The following RBFOX2 variants were observed in gnomAD, a reference collection of about 807,000 sequenced individuals.
RBFOX2 encodes RNA binding fox-1 homolog 2.
RBFOX2 carries 10 observed loss-of-function variants against 49.1 expected under a neutral mutation model. The ratio of observed to expected loss-of-function variants is 0.20; its 90% CI spans 0.13 to 0.35. The LOEUF (loss-of-function observed/expected upper bound fraction) is 0.35, where lower values mean the gene tolerates loss of function less well. RBFOX2 is among the 10% of genes least tolerant of loss of function. RBFOX2 has a pLI of 1.00. For synonymous variants in RBFOX2, 183 were observed against 187.4 expected (o/e 0.98, Z 0.19); for missense variants, 323 against 486.9 (o/e 0.66, Z 3.17).
At chr22:35,808,397 T>C (rs1283977113) in intron 2 of RBFOX2, among the ~76,000 whole-genome samples, 1 of 152,176 alleles carries the variant, frequency 6.6e-6, no homozygotes, top group Non-Finnish European at 1.5e-5. Flanking sequence ...TGAAAGAAAA[T>C]TGAAAGCATT....
chr22:36,027,710 G>A (rs1010399946), intron 1 of RBFOX2, among the ~76,000 whole-genome samples: 7 of 152,160 alleles, frequency 4.6e-5, no homozygotes, highest in African/African-American at 1.7e-4. Context: ...CTCACACTCT[G>A]TGTGATTTAA....
rs573632268 is a variant in RBFOX2 at position 35,809,055 on chromosome 22, TAA to T, written c.252+723_252+724del. On this transcript the variant is annotated intron_variant, in intron 2 of 11. Coordinates refer to ENST00000405409, the Ensembl canonical transcript of RBFOX2. ...TTAAGTAGGAAATCGGCATTTGCAT[TAA>T]AAAAAAAAAAAAACCACCTTAGTCC... 2.2e-4 allele frequency among the ~76,000 whole-genome samples: 30 copies of T among 136,310 alleles called. No individual in the cohort carries two copies. The South Asian group carries it at 2.4e-3, about 11-fold the overall frequency. The allele number at this position is 136,310 out of a possible 152,430, so 89.4% of individuals were successfully genotyped here.
At chr22:35,981,453 C>T (rs2057451325) in intron 1 of RBFOX2, among the ~76,000 whole-genome samples, 1 of 152,008 alleles carries the variant, frequency 6.6e-6, no homozygotes. Context: ...ACCAGCCTGG[C>T]CAACATGGTA....
At chr22:35,820,871 C>T (rs1233084616) in intron 1 of RBFOX2, among the ~76,000 whole-genome samples, 4 of 152,144 alleles carry the variant, frequency 2.6e-5, no homozygotes, top group Non-Finnish European at 4.4e-5. Flanking sequence ...ATACCACAAA[C>T]TTTGAAGGGA....
At chr22:35,834,349 T>C (rs1218096072) in intron 1 of RBFOX2, among the ~76,000 whole-genome samples, 1 of 152,214 alleles carries the variant, frequency 6.6e-6, no homozygotes, top group East Asian at 1.9e-4. Flanking sequence ...ATCATAAGCA[T>C]ATATAAAGAT....
chr22:36,009,546 GT>G lies in RBFOX2; in HGVS notation c.186+18693del, dbSNP rs1053243460. Among the ~76,000 whole-genome samples the G allele has an allele frequency of 1.4e-4, 21 of 151,752 alleles. No homozygotes were observed. In the East Asian group the frequency reaches 3.7e-3, roughly 27 times the overall value. On this transcript the variant is annotated intron_variant, in intron 1 of 13. Transcript: ENST00000438146. Reference sequence around the variant, plus strand: ...ACACCACCATGCCCATCTAAGTTTCGTTTTTTTTGTTTTTTGTTTTTTTGTA... The same window carrying G: ...ACACCACCATGCCCATCTAAGTTTCGTTTTTTTGTTTTTTGTTTTTTTGTA...
intron 1 of RBFOX2, among the ~76,000 whole-genome samples, chr22:35,974,217 C>T (rs547764942): frequency 6.6e-6 from 1 of 152,330 alleles, no homozygotes; most frequent in African/African-American, 2.4e-5. Context: ...AAAGAATTGC[C>T]GCCTTTTCCT....
exon 12 of RBFOX2, chr22:35,742,984 T>C (rs531617408): frequency 6.5e-6 from 1 of 152,834 alleles, no homozygotes; most frequent in South Asian, 2.1e-4. Context: ...ATAAAGGCTC[T>C]GGAAGATGAA....
At chr22:35,863,873 T>C (rs985762269) in intron 1 of RBFOX2, among the ~76,000 whole-genome samples, 1 of 152,154 alleles carries the variant, frequency 6.6e-6, no homozygotes, top group African/African-American at 2.4e-5. Context: ...CCAAAGCGGA[T>C]TAGAAATCGA....
At chr22:35,798,018 C>T (rs1012962467) in intron 2 of RBFOX2, among the ~76,000 whole-genome samples, 2 of 152,172 alleles carry the variant, frequency 1.3e-5, no homozygotes, top group African/African-American at 4.8e-5. Context: ...TCTTGTTGCC[C>T]AGGCTGGAGT....
At chr22:35,747,093 G>GT (rs1228609753) in intron 9 of RBFOX2, 1 of 152,182 alleles carries the variant, frequency 6.6e-6, no homozygotes, top group African/African-American at 2.4e-5. Flanking sequence ...AGATAATCAG[G>GT]TAATATTTAG....
At chr22:35,989,460 T>C (rs964898951) in intron 1 of RBFOX2, among the ~76,000 whole-genome samples, 1 of 151,966 alleles carries the variant, frequency 6.6e-6, no homozygotes, top group Non-Finnish European at 1.5e-5. Flanking sequence ...AGGGGGTTAA[T>C]GGTGATTTTG....
Position 35,749,265 on chromosome 22 carries a change from G to A in RBFOX2, c.888-2704C>T, listed in dbSNP as rs1347903346. Among the ~76,000 whole-genome samples the A allele has an allele frequency of 6.6e-6, 1 of 152,112 alleles. No individual in the cohort carries two copies. The highest frequency in any genetic ancestry group is 1.5e-5 in the Non-Finnish European group (1 of 68,014). On this transcript the variant is annotated intron_variant, in intron 9 of 11. Transcript: ENST00000405409. This position sits in a 1 kb window ranked among gnomAD's most constrained non-coding sequence, Gnocchi z 4.1. Reference sequence around the variant, plus strand: ...GGCAAATACTTTACTGAAAACAAAAGGCTCAAGAATATCAGCACTAAGAAA... The same window carrying A: ...GGCAAATACTTTACTGAAAACAAAAAGCTCAAGAATATCAGCACTAAGAAA...
intron 1 of RBFOX2, among the ~76,000 whole-genome samples, chr22:35,971,272 A>G (rs1409352183): frequency 6.6e-6 from 1 of 152,188 alleles, no homozygotes; most frequent in South Asian, 2.1e-4. Flanking sequence ...GCACACAGCT[A>G]CACAGGGCCA....
intron 2 of RBFOX2, among the ~76,000 whole-genome samples, chr22:35,797,715 A>T (rs181630365): frequency 6.6e-6 from 1 of 152,294 alleles, no homozygotes; most frequent in East Asian, 1.9e-4. Flanking sequence ...ATGTATTGGT[A>T]TTACTATGAA....
rs146963279 is a variant in RBFOX2, at chr22:35,897,301, T to C, written c.-34+41546A>G. 1,074 of 1,504,906 alleles carry C rather than the reference T, an allele frequency of 7.1e-4. 20 individuals carry two copies. The East Asian group carries it at 0.023, about 33-fold the overall frequency. The allele number at this position is 1,504,906 out of a possible 1,614,324, so 93.2% of individuals were successfully genotyped here. Reference sequence around the variant, plus strand: ...GTCTTGGCCAGCTTCACATCCTCAATTTCAGCAGACAGCCAGCAGTAAGTG... The same window carrying C: ...GTCTTGGCCAGCTTCACATCCTCAACTTCAGCAGACAGCCAGCAGTAAGTG... On this transcript the variant is annotated intron_variant, in intron 1 of 13. Transcript: ENST00000359369.
At position 35,876,701 on chromosome 22, in the gene RBFOX2, AACACACACACACAC is replaced by A. The variant is rs142455818; in HGVS notation, c.-34+62132_-34+62145del. Among the ~76,000 whole-genome samples, 404 of 140,554 alleles carry A rather than the reference AACACACACACACAC, an allele frequency of 2.9e-3. 1 individual carries two copies. Among genetic ancestry groups the A allele is most frequent in the Middle Eastern group, 0.019 (5 of 270 alleles). 92.2% of individuals were successfully genotyped at this position (140,554 alleles called of 152,430 possible). A position where few individuals can be genotyped will look rare whatever the true frequency, so the allele number is the denominator to read the frequency against. ...CTGATCACATTCTCCCATTAAAAGA[AACACACACACACAC>A]ACACACACACACACACACACACACA... On this transcript the variant is annotated intron_variant, in intron 1 of 13. Coordinates refer to the RBFOX2 transcript ENST00000359369.
intron 5 of RBFOX2, among the ~76,000 whole-genome samples, chr22:35,767,787 C>G (rs1378078354): frequency 6.6e-6 from 1 of 152,152 alleles, no homozygotes; most frequent in African/African-American, 2.4e-5. Flanking sequence ...ATCATGTGCA[C>G]AAAGAGGCGA....
At chr22:35,903,395 C>T (rs1233206232) in intron 1 of RBFOX2, among the ~76,000 whole-genome samples, 1 of 152,114 alleles carries the variant, frequency 6.6e-6, no homozygotes, top group Non-Finnish European at 1.5e-5. Context: ...GTTACTGTTT[C>T]AGTATCTTTT....
Sources: allele counts gnomAD v4.1 joint callset (sites outside exome capture counted in the v4.1 genomes callset), GRCh38; gene constraint gnomAD v4.1.1; non-coding constraint Gnocchi (gnomAD v3.1); transcripts MANE v1.5; gene names NCBI Gene and HGNC (gene_info 2026-07-23, HGNC 2026-07-21).